PAK6: variants seen among roughly 807,000 people sequenced by gnomAD.
The protein encoded by PAK6 is p21 (RAC1) activated kinase 6.
PAK6 carries 33 observed loss-of-function variants against 60.8 expected under a neutral mutation model. The ratio of observed to expected loss-of-function variants is 0.54; its 90% confidence interval spans 0.41 to 0.73. The LOEUF is 0.73. Among genes scored for constraint, PAK6 ranks in the 30% least tolerant of loss-of-function variants. The pLI is 0.00. For missense variants in PAK6, 845 were observed against 904.1 expected, an observed-to-expected ratio of 0.93 and a Z score of 0.84; for synonymous variants, 404 against 378.5, an observed-to-expected ratio of 1.07 and a Z score of -0.78.
chr15:40,268,721 A>C (rs1182693997), intron 5 of PAK6, among the ~76,000 whole-genome samples: 1 of 152,240 alleles, frequency 6.6e-6, no homozygotes, highest in Admixed American at 6.5e-5. Context: ...GAGATCAGGA[A>C]GACAGGGCGT....
chr15:40,276,015 C>T (rs1490235911), exon 11 of PAK6: 1 of 1,613,562 alleles, frequency 6.2e-7, no homozygotes, highest in African/African-American at 1.3e-5. Flanking sequence ...CTAGACCACC[C>T]CTTCCTGCTG....
At position 40,272,240 on chromosome 15, in the gene PAK6, G is replaced by A. The variant is rs150100570; in HGVS notation, c.875G>A (p.Arg292Gln). The change falls in exon 6 of 11, where the codon CGA becomes CAA. Residue 292 changes from arginine to glutamine, a missense_variant. Coordinates refer to ENST00000560346, the Ensembl canonical transcript of PAK6. ...TCCCTGCAGCCCAACTCCTCTTTCCGACCGCCGCAGAAAGACAACCCCCCA... is the reference window on the plus strand; with the variant it reads ...TCCCTGCAGCCCAACTCCTCTTTCCAACCGCCGCAGAAAGACAACCCCCCA... 1,155 of 1,608,000 alleles carry A rather than the reference G, an allele frequency of 7.2e-4. 1 individual carries two copies. The highest frequency in any genetic ancestry group is 8.0e-4 in the Non-Finnish European group (944 of 1,175,958).
intron 3 of PAK6, among the ~76,000 whole-genome samples, chr15:40,254,955 AGCCCAACTCACAATGGT>A (rs758907397): frequency 6.6e-6 from 1 of 152,214 alleles, no homozygotes; most frequent in Non-Finnish European, 1.5e-5. Context: ...AAGCAGGTTC[AGCCCAACTCACAATGGT>A]GTTGTGAGTG....
exon 4 of PAK6, chr15:40,264,895 C>T (rs1462729610): frequency 6.2e-7 from 1 of 1,613,954 alleles, no homozygotes; most frequent in Non-Finnish European, 8.5e-7. Context: ...GTGGGCCTCC[C>T]CCCACAATGG....
At chr15:40,245,953 G>A (rs2038484544) in intron 2 of PAK6, 1 of 152,222 alleles carries the variant, frequency 6.6e-6, no homozygotes, top group Non-Finnish European at 1.5e-5. Flanking sequence ...TGCTCCTATT[G>A]TGCTATTTGG....
rs149132419 is a variant in PAK6, at chr15:40,264,864, G to A, written c.79G>A (p.Asp27Asn). The change falls in exon 4 of 11, where the codon GAC (aspartate) becomes AAC (asparagine). Residue 27 changes from aspartate (D) to asparagine (N), a missense_variant. Asp to Asn is a conservative substitution (Grantham distance 23). Transcript: ENST00000560346. Reference sequence around the variant, plus strand: ...CCAGCACCGTGTCCACACCTCCTTCGACCCCAAAGAAGGCAAGTTTGTGGG... The same window carrying A: ...CCAGCACCGTGTCCACACCTCCTTCAACCCCAAAGAAGGCAAGTTTGTGGG... 1.2e-5 allele frequency: 19 copies of A among 1,613,940 alleles called. No individual in the cohort carries two copies. The African/African-American group carries it at 1.5e-4, about 12-fold the overall frequency.
chr15:40,265,971 C>G (rs781276189), exon 5 of PAK6: 10 of 1,604,372 alleles, frequency 6.2e-6, no homozygotes, highest in Non-Finnish European at 8.5e-6. Flanking sequence ...GCGGCGGGCA[C>G]AGTCCCTGGG....
At chr15:40,269,855 A>T (rs1435342053) in intron 5 of PAK6, among the ~76,000 whole-genome samples, 1 of 152,262 alleles carries the variant, frequency 6.6e-6, no homozygotes, top group Non-Finnish European at 1.5e-5. Context: ...CTGTGGAGAC[A>T]GGGAAGAAAC....
chr15:40,256,477 T>C (rs1347950613), intron 3 of PAK6, among the ~76,000 whole-genome samples: 1 of 152,218 alleles, frequency 6.6e-6, no homozygotes, highest in African/African-American at 2.4e-5. Flanking sequence ...GACAGGGTCC[T>C]CTGGAGGCCA....
intron 2 of PAK6, among the ~76,000 whole-genome samples, chr15:40,248,009 A>G (rs1166759961): frequency 1.3e-5 from 2 of 152,076 alleles, no homozygotes; most frequent in Non-Finnish European, 1.5e-5. Flanking sequence ...CTGTACCCCA[A>G]TGCTCTAGAC....
exon 11 of PAK6, chr15:40,276,748 T>TAGTGTGTG (rs1566860704): frequency 2.8e-5 from 1 of 35,760 alleles, no homozygotes; most frequent in Admixed American, 3.4e-4. Flanking sequence ...GGAGAGAACA[T>TAGTGTGTG]CGTGTGTGTG....
chr15:40,240,238 A>G (rs2038283521), intron 1 of PAK6: 1 of 169,136 alleles, frequency 5.9e-6, no homozygotes, highest in Non-Finnish European at 1.3e-5. Flanking sequence ...TCTCTTATGC[A>G]GGGCCAGTCA....
rs202233605 is a variant in PAK6 at position 40,272,474 on chromosome 15, C to G, written c.1109C>G (p.Pro370Arg). ...AGCAACCTGTACCTGCCCCAGGACC[C>G]CACGGTTGCCAAGGGTGCCCTGGCT... The change falls in exon 6 of 11, where the codon CCC (proline) becomes CGC (arginine). Residue 370 changes from proline (P) to arginine (R), a missense_variant. Coordinates refer to ENST00000560346, the Ensembl canonical transcript of PAK6. The G allele has an allele frequency of 7.4e-6, 12 of 1,613,808 alleles. No homozygotes were observed. The Admixed American group carries it at 1.0e-4, about 13-fold the overall frequency.
chr15:40,266,023 A>C (rs1429885154), exon 5 of PAK6: 7 of 1,601,312 alleles, frequency 4.4e-6, no homozygotes, highest in Non-Finnish European at 6.0e-6. Context: ...CCAGACATGT[A>C]CCTCCAGAGC....
exon 4 of PAK6, chr15:40,264,901 A>G (rs1360936135): frequency 1.9e-6 from 3 of 1,613,916 alleles, no homozygotes; most frequent in Non-Finnish European, 2.5e-6. Context: ...CTCCCCCCAC[A>G]ATGGCAGAAC....
At chr15:40,255,103 G>A (rs1373460454) in intron 3 of PAK6, among the ~76,000 whole-genome samples, 5 of 152,180 alleles carry the variant, frequency 3.3e-5, no homozygotes, top group African/African-American at 1.2e-4. Flanking sequence ...GGGTTCCAAT[G>A]CCAGAGGTTC....
At chr15:40,269,413 G>A (rs2039239747) in intron 5 of PAK6, among the ~76,000 whole-genome samples, 1 of 152,244 alleles carries the variant, frequency 6.6e-6, no homozygotes, top group African/African-American at 2.4e-5. Flanking sequence ...GGGAGCCATG[G>A]CTCAGGGCGG....
chr15:40,252,522 C>G (rs746816528), intron 2 of PAK6: 2 of 1,363,266 alleles, frequency 1.5e-6, no homozygotes, highest in South Asian at 2.3e-5. Context: ...GCCGCCGCGT[C>G]CTACCTGAGG....
intron 5 of PAK6, among the ~76,000 whole-genome samples, chr15:40,270,203 G>A (rs568576324): frequency 2.0e-5 from 3 of 152,170 alleles, no homozygotes; most frequent in African/African-American, 4.8e-5. Context: ...GCCTGGTGAC[G>A]TCTCATGGAA....
Sources: gnomAD v4.1 joint callset for allele counts (sites outside exome capture counted in the v4.1 genomes callset) on GRCh38, gnomAD v4.1.1 for gene constraint, MANE v1.5 for transcripts, NCBI Gene and HGNC (gene_info 2026-07-23, HGNC 2026-07-21) for gene names.